The following MAGI2 variants were observed in gnomAD, a reference collection of about 807,000 sequenced individuals.
MAGI2 encodes the protein membrane-associated guanylate kinase, WW and PDZ domain-containing protein 2.
In MAGI2, 35 loss-of-function variants were observed where a neutral mutation model predicts 133.3. The ratio of observed to expected loss-of-function variants is 0.26; its 90% CI spans 0.20 to 0.35. The LOEUF (loss-of-function observed/expected upper bound fraction) is 0.35. Among genes scored for constraint, MAGI2 ranks in the 10% least tolerant of loss-of-function variants. MAGI2 has a pLI of 1.00. For missense variants in MAGI2, 1,636 were observed against 1,863.4 expected, an observed-to-expected ratio of 0.88 and a Z score of 2.25; for synonymous variants, 729 against 710.6, an observed-to-expected ratio of 1.03 and a Z score of -0.41.
intron 11 of MAGI2, among the ~76,000 whole-genome samples, chr7:78,196,307 G>C (rs1047961343): frequency 3.3e-5 from 5 of 151,838 alleles, no homozygotes; most frequent in Non-Finnish European, 5.9e-5. Context: ...ATTACCACGA[G>C]TCTACCCAGC....
intron 21 of MAGI2, among the ~76,000 whole-genome samples, chr7:78,029,177 T>G (rs557929922): frequency 2.0e-5 from 3 of 152,236 alleles, no homozygotes; most frequent in Admixed American, 6.5e-5. Flanking sequence ...CTCTGAGGGC[T>G]AAGGGGAGGC....
At chr7:78,547,082 A>C (rs1798908901) in intron 3 of MAGI2, among the ~76,000 whole-genome samples, 2 of 152,206 alleles carry the variant, frequency 1.3e-5, no homozygotes, top group African/African-American at 4.8e-5. Context: ...ATGACATTTA[A>C]TGAAACCAAT....
chr7:78,747,126 T>C (rs1263706606), intron 2 of MAGI2, among the ~76,000 whole-genome samples: 1 of 152,284 alleles, frequency 6.6e-6, no homozygotes, highest in East Asian at 1.9e-4. Context: ...ATTGGGCAGT[T>C]TTCCTAATTT....
chr7:78,888,482 T>C (rs1338524800), intron 2 of MAGI2, among the ~76,000 whole-genome samples: 2 of 152,122 alleles, frequency 1.3e-5, no homozygotes, highest in East Asian at 3.9e-4. Context: ...CATCCCCCAG[T>C]AGGGGCAGAA....
At position 78,639,081 on chromosome 7, in the gene MAGI2, A is replaced by AT. The variant is rs1809990899; in HGVS notation, c.419-11843dup. Among the ~76,000 whole-genome samples the AT allele has an allele frequency of 2.0e-5, 3 of 152,208 alleles. 1 individual carries two copies. In the South Asian group the frequency reaches 6.2e-4, roughly 32 times the overall value. On this transcript the variant is annotated intron_variant, in intron 2 of 21. Coordinates refer to ENST00000354212, the MANE Select transcript of MAGI2 (RefSeq NM_012301.4). ...GCAGACACACTACTCAGTGACCTTC[A>AT]TCGCATGGAAGGTTTAGTGGATCAT... is the stretch of plus-strand genomic sequence containing the variant.
intron 3 of MAGI2, among the ~76,000 whole-genome samples, chr7:78,529,185 T>G (rs772221234): frequency 1.3e-5 from 2 of 152,214 alleles, no homozygotes; most frequent in African/African-American, 4.8e-5. Flanking sequence ...TTCCTGAAAC[T>G]TGTTTGCAAG....
At chr7:78,284,822 C>T (rs1179191697) in intron 9 of MAGI2, among the ~76,000 whole-genome samples, 1 of 152,100 alleles carries the variant, frequency 6.6e-6, no homozygotes, top group Non-Finnish European at 1.5e-5. Context: ...ATCTTCCTCC[C>T]TCCCCCAAAA....
At chr7:79,452,859 C>T (rs1849382670) in intron 1 of MAGI2, 161 bp downstream of exon 1, 6 of 726,720 alleles carry the variant, frequency 8.3e-6, no homozygotes, top group Non-Finnish European at 1.1e-5. Context: ...GCCCCCAAGT[C>T]GAATCCCCGG....
chr7:79,160,823 T>C (rs1276378652), intron 1 of MAGI2, among the ~76,000 whole-genome samples: 3 of 152,028 alleles, frequency 2.0e-5, no homozygotes, highest in Non-Finnish European at 4.4e-5. Flanking sequence ...TGGTATATCC[T>C]CCCATCAAAT....
chr7:78,303,333 T>C (rs1025715504), intron 9 of MAGI2, among the ~76,000 whole-genome samples: 4 of 134,984 alleles, frequency 3.0e-5, no homozygotes, highest in African/African-American at 1.1e-4. Flanking sequence ...GAGCCAAGAT[T>C]GCGCCATTGT....
intron 2 of MAGI2, among the ~76,000 whole-genome samples, chr7:78,660,734 C>T (rs1812861645): frequency 1.3e-5 from 2 of 152,092 alleles, no homozygotes. Flanking sequence ...CCATGTTAAC[C>T]TTGCTTAAAA....
At chr7:78,566,733 T>C (rs372196477) in intron 3 of MAGI2, among the ~76,000 whole-genome samples, 2 of 152,182 alleles carry the variant, frequency 1.3e-5, no homozygotes, top group Admixed American at 6.5e-5. Context: ...CTCTTTTCAA[T>C]CCTTATCTTT....
intron 2 of MAGI2, among the ~76,000 whole-genome samples, chr7:78,670,801 T>C (rs1039552245): frequency 2.6e-5 from 4 of 152,088 alleles, no homozygotes; most frequent in Non-Finnish European, 4.4e-5. Context: ...ACAAATTGCT[T>C]TTTGTCTGCT....
chr7:79,189,962 C>A (rs1161156907), intron 1 of MAGI2, among the ~76,000 whole-genome samples: 1 of 151,600 alleles, frequency 6.6e-6, no homozygotes, highest in East Asian at 1.9e-4. Context: ...TTATTTATTT[C>A]TTTTTCAAGC....
chr7:78,220,367 C>G (rs1298369716), intron 10 of MAGI2, among the ~76,000 whole-genome samples: 1 of 152,166 alleles, frequency 6.6e-6, no homozygotes, highest in African/African-American at 2.4e-5. Context: ...TGGCTGCACT[C>G]TCATCACAGC....
intron 2 of MAGI2, among the ~76,000 whole-genome samples, chr7:79,004,021 G>A (rs890790699): frequency 2.0e-5 from 3 of 152,160 alleles, no homozygotes; most frequent in Admixed American, 6.5e-5. Context: ...AATTAGTGCA[G>A]CCACTAGGGA....
chr7:78,324,073 A>G (rs561339107), intron 9 of MAGI2, among the ~76,000 whole-genome samples: 34 of 152,244 alleles, frequency 2.2e-4, no homozygotes, highest in African/African-American at 7.9e-4. Context: ...TCTCTTATCT[A>G]AAACTTTCCC....
chr7:79,441,839 A>G (rs887455894), intron 1 of MAGI2, among the ~76,000 whole-genome samples: 2 of 152,112 alleles, frequency 1.3e-5, no homozygotes, highest in African/African-American at 4.8e-5. Context: ...TATTTTTAAT[A>G]ATTATTTTTT....
intron 21 of MAGI2, among the ~76,000 whole-genome samples, chr7:78,020,801 A>AT (rs1394325912): frequency 1.4e-5 from 2 of 143,370 alleles, no homozygotes; most frequent in Admixed American, 7.0e-5. Context: ...GGATAAATAC[A>AT]TTTTAAAACT....
Sources: allele counts gnomAD v4.1 joint callset (sites outside exome capture counted in the v4.1 genomes callset), GRCh38; gene constraint gnomAD v4.1.1; transcripts MANE v1.5; gene names NCBI Gene and HGNC (gene_info 2026-07-23, HGNC 2026-07-21).